The following FAM177B variants were observed in gnomAD, a reference collection of about 807,000 sequenced individuals.
The protein encoded by FAM177B is family with sequence similarity 177 member B, also known as protein FAM177B.
In FAM177B, 16 loss-of-function variants were observed where a neutral mutation model predicts 16.1. The observed-to-expected ratio is 0.99, with a 90% confidence interval of 0.67 to 1.51. The LOEUF (loss-of-function observed/expected upper bound fraction) is 1.51. Among genes scored for constraint, FAM177B ranks in the 40% most tolerant of loss-of-function variants. FAM177B has a pLI of 0.00. For synonymous variants in FAM177B, 56 were observed against 59.9 expected, an observed-to-expected ratio of 0.93 and a Z score of 0.30; for missense variants, 178 against 183.7, an observed-to-expected ratio of 0.97 and a Z score of 0.18.
intron 1 of FAM177B, among the ~76,000 whole-genome samples, chr1:222,737,583 G>T (rs1299039250): frequency 6.6e-6 from 1 of 152,158 alleles, no homozygotes; most frequent in Non-Finnish European, 1.5e-5. Flanking sequence ...GTCAGTGGTG[G>T]GAGAGTAGTA....
At chr1:222,737,490 A>G (rs1443420568) in intron 1 of FAM177B, among the ~76,000 whole-genome samples, 168 bp downstream of exon 1, 1 of 152,246 alleles carries the variant, frequency 6.6e-6, no homozygotes, top group Non-Finnish European at 1.5e-5. Flanking sequence ...TAGAGCAGCC[A>G]GCAGAGAGCT....
At chr1:222,741,936 T>G (rs1486410871) in intron 2 of FAM177B, among the ~76,000 whole-genome samples, 1 of 125,144 alleles carries the variant, frequency 8.0e-6, no homozygotes, top group African/African-American at 3.2e-5. Context: ...CTCTCTTTCT[T>G]TCTTTCTTTC....
intron 4 of FAM177B, chr1:222,749,222 A>G (rs990102777): frequency 2.2e-6 from 1 of 463,012 alleles, no homozygotes; most frequent in Non-Finnish European, 4.0e-6. Context: ...CCTGATATAT[A>G]CATCTGGAAA....
rs777944958 is a variant in FAM177B, at chr1:222,746,685, A to G, written c.140A>G (p.Lys47Arg). ...ACAGAGGAGGAGGAGGAAGAGGAAAAGGAGGAGCAGAGCACAAATTCAACA... is the reference window on the plus strand; with the variant it reads ...ACAGAGGAGGAGGAGGAAGAGGAAAGGGAGGAGCAGAGCACAAATTCAACA... ...YSTEEEEEEEKEEQSTNSTLD... is the reference protein window; with the variant it reads ...YSTEEEEEEEREEQSTNSTLD... Residue 47 changes from lysine to arginine, a missense_variant, in exon 3 of 6, where the codon AAG becomes AGG. Physicochemically the swap from Lys to Arg is conservative, Grantham distance 26. Transcript: ENST00000445590. 17 of 1,613,584 alleles carry G rather than the reference A, an allele frequency of 1.1e-5. No homozygotes were observed. The highest frequency in any genetic ancestry group is 1.4e-5 in the Non-Finnish European group (17 of 1,179,624).
Position 222,750,529 on chromosome 1 carries a change from C to A in FAM177B, c.*471C>A. ...ATAGTGTGTACTTCCAACAACCATCCTGGCGTAGTTGGGGATTGTTTTACA... is the reference window on the plus strand; with the variant it reads ...ATAGTGTGTACTTCCAACAACCATCATGGCGTAGTTGGGGATTGTTTTACA... On this transcript the variant is annotated 3_prime_UTR_variant, in exon 6 of 6. Transcript: ENST00000445590. 4 of 985,744 alleles carry A rather than the reference C, an allele frequency of 4.1e-6. No homozygotes were observed. Among genetic ancestry groups the A allele is most frequent in the Non-Finnish European group, 1.2e-6 (1 of 830,070 alleles). 61.1% of individuals were successfully genotyped at this position (985,744 alleles called of 1,614,324 possible). A position where few individuals can be genotyped will look rare whatever the true frequency, so the allele number is the denominator to read the frequency against.
In FAM177B at chr1:222,737,998, G is replaced by A; in HGVS notation, c.-39G>A. The A allele has an allele frequency of 6.6e-6, 1 of 152,266 alleles. No individual in the cohort carries two copies. The highest frequency in any genetic ancestry group is 1.9e-4 in the East Asian group (1 of 5,192). The allele number at this position is 152,266 out of a possible 1,614,324, so 9.4% of individuals were successfully genotyped here. A position where few individuals can be genotyped will look rare whatever the true frequency, so the allele number is the denominator to read the frequency against. Reference sequence around the variant, plus strand: ...GAACAGAGTTGCCATTTATTGAGATGAGAAGGCTGCCAGAAGAGTAGAGGT... The same window carrying A: ...GAACAGAGTTGCCATTTATTGAGATAAGAAGGCTGCCAGAAGAGTAGAGGT... On this transcript the variant is annotated 5_prime_UTR_variant, in exon 2 of 6. An upstream start codon of the reference 5' UTR is lost. Transcript: ENST00000445590.
At chr1:222,742,134 C>T (rs958910292) in intron 2 of FAM177B, among the ~76,000 whole-genome samples, 1 of 151,916 alleles carries the variant, frequency 6.6e-6, no homozygotes, top group Non-Finnish European at 1.5e-5. Context: ...TACTATTAGA[C>T]GTACTGAACT....
chr1:222,742,952 T>C (rs1658617759), intron 2 of FAM177B, among the ~76,000 whole-genome samples: 1 of 152,192 alleles, frequency 6.6e-6, no homozygotes, highest in South Asian at 2.1e-4. Flanking sequence ...AAAATGGAAT[T>C]CCTTTTGCAC....
chr1:222,749,943 G>A lies in FAM177B; in HGVS notation c.362G>A (p.Arg121Lys). ...CAGAAAAGTGACAACAAAAGTGAAAGGAGAGGATCAAAGGCCCAGGCAGCT... is the reference window on the plus strand; with the variant it reads ...CAGAAAAGTGACAACAAAAGTGAAAAGAGAGGATCAAAGGCCCAGGCAGCT... ...QNKKSDNKSE[R>K]RGSKAQAAEV... Residue 121 changes from arginine (R) to lysine (K), a missense_variant, in exon 6 of 6, where the codon AGG becomes AAG. Physicochemically the swap from Arg to Lys is conservative, Grantham distance 26. Coordinates refer to ENST00000445590, the MANE Select transcript of FAM177B (RefSeq NM_001394345.1). The A allele has an allele frequency of 6.2e-7, 1 of 1,614,122 alleles. No homozygotes were observed. The highest frequency in any genetic ancestry group is 8.5e-7 in the Non-Finnish European group (1 of 1,179,976).
chr1:222,749,771 C>T, intron 5 of FAM177B, 150 bp from the exon 6 acceptor site: 1 of 899,042 alleles, frequency 1.1e-6, no homozygotes. Flanking sequence ...GTTAGGATGT[C>T]ATGAGCTGTG....
Position 222,750,593 on chromosome 1 carries a change from T to G in FAM177B, c.*535T>G. On this transcript the variant is annotated 3_prime_UTR_variant, in exon 6 of 6. Coordinates refer to ENST00000445590, the MANE Select transcript of FAM177B (RefSeq NM_001394345.1). ...GCTAATAACTGTGTTACAAGATCAT[T>G]ATCAAGATCTTTAAGAATTAGGTAC... 2 of 924,726 alleles carry G rather than the reference T, an allele frequency of 2.2e-6. No homozygotes were observed. The highest frequency in any genetic ancestry group is 2.6e-6 in the Non-Finnish European group (2 of 774,786). The allele number at this position is 924,726 out of a possible 1,614,324, so 57.3% of individuals were successfully genotyped here. A position where few individuals can be genotyped will look rare whatever the true frequency, so the allele number is the denominator to read the frequency against.
In FAM177B at chr1:222,749,579, T is replaced by G. The variant is rs762984818; in HGVS notation, c.339+17T>G. The G allele has an allele frequency of 2.8e-6, 4 of 1,437,522 alleles. No homozygotes were observed. Among genetic ancestry groups the G allele is most frequent in the Non-Finnish European group, 1.9e-6 (2 of 1,029,172 alleles). The allele number at this position is 1,437,522 out of a possible 1,614,324, so 89.0% of individuals were successfully genotyped here. A position where few individuals can be genotyped will look rare whatever the true frequency, so the allele number is the denominator to read the frequency against. On this transcript the variant is annotated intron_variant, in intron 5 of 5. Transcript: ENST00000445590. ...CAAAACAAGGTATGTGACACTCTGA[T>G]GGAAACAAGGGGCCTGAGATGGGAA...
intron 2 of FAM177B, among the ~76,000 whole-genome samples, chr1:222,741,533 ATT>A (rs72331510): frequency 2.1e-5 from 3 of 142,874 alleles, no homozygotes; most frequent in Non-Finnish European, 1.5e-5. Flanking sequence ...TGAATTCTCT[ATT>A]TTTTTTTTTT....
rs745824339 is a variant in FAM177B, at chr1:222,746,597, A to G, written c.52A>G (p.Lys18Glu). 5.6e-6 allele frequency: 9 copies of G among 1,611,518 alleles called. No individual in the cohort carries two copies. Among genetic ancestry groups the G allele is most frequent in the South Asian group, 1.1e-5 (1 of 91,008 alleles). The stretch of plus-strand genomic sequence containing the variant: ...AGACCTAGAGAAGAGTGTACCTTCC[A>G]AAAAGACTACTCCTAAAAGGATTAT... Reference protein sequence around the residue: ...QLDLEKSVPSKKTTPKRIIHF... With the variant: ...QLDLEKSVPSEKTTPKRIIHF... The change falls in exon 3 of 6, where the codon AAA becomes GAA. Residue 18 changes from lysine to glutamate, a missense_variant. Lys to Glu is a moderately conservative substitution (Grantham distance 56). Coordinates refer to ENST00000445590, the MANE Select transcript of FAM177B (RefSeq NM_001394345.1).
In FAM177B at chr1:222,750,782, T is replaced by C. The variant is rs1284473137; in HGVS notation, c.*724T>C. 1.7e-5 allele frequency: 3 copies of C among 172,808 alleles called. No individual in the cohort carries two copies. The highest frequency in any genetic ancestry group is 7.1e-5 in the Admixed American group (1 of 14,112). 10.7% of individuals were successfully genotyped at this position (172,808 alleles called of 1,614,324 possible). ...GGTGTGCTGGCCAAAGTAACTGTGA[T>C]ACATTAATAGCAAAAAACAAACCAA... On this transcript the variant is annotated 3_prime_UTR_variant, in exon 6 of 6. Coordinates refer to ENST00000445590, the MANE Select transcript of FAM177B (RefSeq NM_001394345.1).
At position 222,750,439 on chromosome 1, in the gene FAM177B, C is replaced by T. The variant is rs1659000697; in HGVS notation, c.*381C>T. 7 of 1,000,890 alleles carry T rather than the reference C, an allele frequency of 7.0e-6. No homozygotes were observed. Among genetic ancestry groups the T allele is most frequent in the Non-Finnish European group, 7.1e-6 (6 of 840,774 alleles). The allele number at this position is 1,000,890 out of a possible 1,614,324, so 62.0% of individuals were successfully genotyped here. ...ATGGGACGAGGGTACAGTAAAGAAG[C>T]TCTATTCCTCAGAAGAAAATTTGGG... On this transcript the variant is annotated 3_prime_UTR_variant, in exon 6 of 6. Coordinates refer to ENST00000445590, the MANE Select transcript of FAM177B (RefSeq NM_001394345.1).
At chr1:222,749,061 G>A in intron 4 of FAM177B, 2 of 472,104 alleles carry the variant, frequency 4.2e-6, no homozygotes, top group South Asian at 3.1e-5. Flanking sequence ...TCCTGATGTG[G>A]GTCTTGGTAA....
chr1:222,746,838 T>C, intron 3 of FAM177B, 119 bp downstream of exon 3: 1 of 1,044,038 alleles, frequency 9.6e-7, no homozygotes, highest in Non-Finnish European at 1.4e-6. Context: ...GGTCTCCTTT[T>C]TTGCTTTCTA....
At chr1:222,743,577 C>T (rs937923030) in intron 2 of FAM177B, among the ~76,000 whole-genome samples, 5 of 152,144 alleles carry the variant, frequency 3.3e-5, no homozygotes, top group African/African-American at 1.2e-4. Flanking sequence ...TTTCACTCAG[C>T]TTCATCTTAG....
Sources: allele counts gnomAD v4.1 joint callset (sites outside exome capture counted in the v4.1 genomes callset), GRCh38; gene constraint gnomAD v4.1.1; transcripts MANE v1.5; gene names NCBI Gene and HGNC (gene_info 2026-07-23, HGNC 2026-07-21).